The following TMBIM6 variants were observed in gnomAD, a reference collection of about 807,000 sequenced individuals.
The protein encoded by TMBIM6 is transmembrane BAX inhibitor motif containing 6.
Under a neutral mutation model 31.4 loss-of-function variants are expected in TMBIM6, and 13 were observed. That is an observed-to-expected ratio of 0.41 (90% CI 0.27 to 0.66). The LOEUF (loss-of-function observed/expected upper bound fraction) is 0.66, where lower values mean the gene tolerates loss of function less well. Among genes scored for constraint, TMBIM6 ranks in the 30% least tolerant of loss-of-function variants. The probability of loss-of-function intolerance (pLI) is 0.28; values close to 1 mark genes in which losing one functional copy is unlikely to be tolerated. For missense variants in TMBIM6, 275 were observed against 289.5 expected (o/e 0.95, Z 0.36); for synonymous variants, 85 against 101.7 (o/e 0.84, Z 0.99).
chr12:49,749,873 C>T (rs1945463988), intron 1 of TMBIM6: 2 of 152,192 alleles, frequency 1.3e-5, no homozygotes, highest in Admixed American at 1.3e-4. Flanking sequence ...CAGGGACCAT[C>T]TGCTTTACCA....
In TMBIM6 at chr12:49,759,308, C is replaced by A. The variant is rs760196098; in HGVS notation, c.601C>A (p.Gln201Lys). Residue 201 changes from glutamine (Q) to lysine (K), a missense_variant, in exon 8 of 10, where the codon CAA (glutamine) becomes AAA (lysine). Coordinates refer to ENST00000267115, the MANE Select transcript of TMBIM6 (RefSeq NM_003217.3). The part of the protein sequence containing the change: ...LIIEKAEHGD[Q>K]DYIWHCIDLF... ...TATTGAAAAGGCCGAACATGGAGAT[C>A]AAGATTATATCTGGTGAGTGTGGGA... The A allele has an allele frequency of 1.9e-6, 3 of 1,613,724 alleles. No individual in the cohort carries two copies. In the South Asian group the frequency reaches 3.3e-5, roughly 18 times the overall value.
chr12:49,758,536 CTAG>C (rs1375223996), intron 6 of TMBIM6, 56 bp downstream of exon 6: 6 of 1,574,788 alleles, frequency 3.8e-6, no homozygotes, highest in Non-Finnish European at 5.2e-6. Context: ...AGAATTCTCA[CTAG>C]TACTCCTTCC....
rs1005877801 is a variant in TMBIM6, at chr12:49,755,489, G to A, written c.166-146G>A. The A allele has an allele frequency of 4.0e-6, 4 of 1,003,106 alleles. No individual in the cohort carries two copies. In the Admixed American group the frequency reaches 1.0e-4, roughly 26 times the overall value. The allele number at this position is 1,003,106 out of a possible 1,614,324, so 62.1% of individuals were successfully genotyped here. On this transcript the variant is annotated intron_variant, in intron 3 of 9. Coordinates refer to ENST00000267115, the MANE Select transcript of TMBIM6 (RefSeq NM_003217.3). The stretch of plus-strand genomic sequence containing the variant: ...GGGTTATCTCCTCAGCCCCATCCCT[G>A]AGAAAACACTACTTTTTCTCCTGCC...
chr12:49,755,916 C>A (rs1945583253), intron 4 of TMBIM6, among the ~76,000 whole-genome samples, 161 bp downstream of exon 4: 1 of 149,844 alleles, frequency 6.7e-6, no homozygotes, highest in Admixed American at 6.7e-5. Context: ...TCACTGCAAG[C>A]TCCGCCTCCC....
At chr12:49,749,173 C>G (rs948459771) in intron 1 of TMBIM6, among the ~76,000 whole-genome samples, 1 of 152,176 alleles carries the variant, frequency 6.6e-6, no homozygotes, top group African/African-American at 2.4e-5. Context: ...CAAAACTTGT[C>G]AGAACAGTTT....
intron 1 of TMBIM6, chr12:49,742,100 G>A: frequency 6.3e-7 from 1 of 1,598,932 alleles, no homozygotes; most frequent in Non-Finnish European, 8.5e-7. Flanking sequence ...TGAGCGGCCC[G>A]GAGCCAAGAC....
rs1346630365 is a variant in TMBIM6 at position 49,758,287 on chromosome 12, G to T, written c.335+12G>T. On this transcript the variant is annotated intron_variant, in intron 5 of 9. Transcript: ENST00000267115. ...GCTGTCAACCCCAGGTAACTCTTTT[G>T]GTAGTGTCTTATGTGCTTTTATCTT... 1.2e-6 allele frequency: 2 copies of T among 1,614,154 alleles called. No homozygotes were observed. Among genetic ancestry groups the T allele is most frequent in the Non-Finnish European group, 8.5e-7 (1 of 1,179,992 alleles).
At position 49,752,989 on chromosome 12, in the gene TMBIM6, C is replaced by T; in HGVS notation, c.73C>T (p.Gln25Ter). Residue 25 changes from glutamine (Q) to a stop codon, truncating the protein, a stop_gained, in exon 3 of 10, where the codon CAG becomes TAG. Transcript: ENST00000267115. LOFTEE classifies it high-confidence loss of function. ...TTTTCTTAGAACCCCGTCAACGCAG[C>T]AGCACCTGAAGAAGGTCTATGCAAG... The part of the protein sequence containing the change: ...KFSHITPSTQ[Q>*]HLKKVYASFA... The T allele has an allele frequency of 6.2e-7, 1 of 1,613,958 alleles. No individual in the cohort carries two copies. The highest frequency in any genetic ancestry group is 8.5e-7 in the Non-Finnish European group (1 of 1,179,926).
At chr12:49,750,648 G>C (rs949450877) in intron 1 of TMBIM6, 1 of 152,216 alleles carries the variant, frequency 6.6e-6, no homozygotes, top group African/African-American at 2.4e-5. Context: ...AACCTTAGTA[G>C]GTTCTGCAGC....
intron 1 of TMBIM6, among the ~76,000 whole-genome samples, chr12:49,751,877 C>T (rs1011422850): frequency 7.5e-5 from 11 of 147,060 alleles, no homozygotes; most frequent in African/African-American, 2.8e-4. Flanking sequence ...ATTCTTCTGT[C>T]TTAGGCTCCT....
chr12:49,758,818 C>CTTTTTT (rs57007895), intron 7 of TMBIM6, 56 bp downstream of exon 7: 61 of 1,161,780 alleles, frequency 5.3e-5, no homozygotes, highest in African/African-American at 5.2e-4. Flanking sequence ...TCTTTCTTTC[C>CTTTTTT]TTTTTTTTTT....
chr12:49,760,034 C>T (rs919502801), intron 8 of TMBIM6, among the ~76,000 whole-genome samples: 6 of 150,216 alleles, frequency 4.0e-5, no homozygotes, highest in African/African-American at 1.5e-4. Context: ...ATGGTGTGAA[C>T]CGGGGAGGCG....
In TMBIM6 at chr12:49,758,394, C is replaced by T. The variant is rs1242793707; in HGVS notation, c.347C>T (p.Thr116Ile). The change falls in exon 6 of 10, where the codon ACT (threonine) becomes ATT (isoleucine). Residue 116 changes from threonine to isoleucine, a missense_variant. Transcript: ENST00000267115. Reference sequence around the variant, plus strand: ...TTTTTTTCTAACAGCATCCTTCCCACTGCTTTCATGGGCACGGCAATGATC... The same window carrying T: ...TTTTTTTCTAACAGCATCCTTCCCATTGCTTTCATGGGCACGGCAATGATC... ...CIAVNPSILP[T>I]AFMGTAMIFT... is the part of the protein sequence containing the mutation. 7 of 1,614,124 alleles carry T rather than the reference C, an allele frequency of 4.3e-6. No homozygotes were observed. The highest frequency in any genetic ancestry group is 1.6e-4 in the Middle Eastern group (1 of 6,084).
At chr12:49,744,344 C>T (rs981367186) in intron 1 of TMBIM6, 3 of 151,796 alleles carry the variant, frequency 2.0e-5, no homozygotes, top group African/African-American at 7.3e-5. Flanking sequence ...ATTTTTTTTC[C>T]TTTACTACTT....
chr12:49,758,310 C>G, intron 5 of TMBIM6, 35 bp downstream of exon 5: 1 of 1,614,092 alleles, frequency 6.2e-7, no homozygotes, highest in Non-Finnish European at 8.5e-7. Flanking sequence ...GTGCTTTTAT[C>G]TTTATGAATA....
At chr12:49,756,763 T>C (rs1393401666) in intron 4 of TMBIM6, among the ~76,000 whole-genome samples, 1 of 138,422 alleles carries the variant, frequency 7.2e-6, no homozygotes, top group African/African-American at 2.7e-5. Context: ...TGAGACTGAG[T>C]TTCACTCTTG....
At position 49,742,227 on chromosome 12, in the gene TMBIM6, C is replaced by T. The variant is rs753207015; in HGVS notation, c.-31+616C>T. 2.5e-6 allele frequency: 4 copies of T among 1,613,140 alleles called. No homozygotes were observed. In the Admixed American group the frequency reaches 6.7e-5, roughly 27 times the overall value. On this transcript the variant is annotated intron_variant, in intron 1 of 9. Coordinates refer to ENST00000267115, the MANE Select transcript of TMBIM6 (RefSeq NM_003217.3). ...GAGAGGAGTCTGGGGCTGGGGCTGC[C>T]TTCCAGGCCCACGGGGCGGCCCCGC...
intron 4 of TMBIM6, 134 bp from the exon 5 acceptor site, chr12:49,758,093 G>A: frequency 1.1e-6 from 1 of 921,506 alleles, no homozygotes; most frequent in South Asian, 1.5e-5. Context: ...TACAGCGGAG[G>A]GGAGAGAGAT....
At chr12:49,742,024 G>A (rs979396487) in intron 1 of TMBIM6, 22 of 1,462,998 alleles carry the variant, frequency 1.5e-5, no homozygotes, top group Non-Finnish European at 1.9e-5. Flanking sequence ...GTGAAGGAAC[G>A]CGAAACTCCA....
Sources: gnomAD v4.1 joint callset for allele counts (sites outside exome capture counted in the v4.1 genomes callset) on GRCh38, gnomAD v4.1.1 for gene constraint, MANE v1.5 for transcripts, NCBI Gene and HGNC (gene_info 2026-07-23, HGNC 2026-07-21) for gene names.